Variants in POU6F2 observed in about 807,000 individuals in gnomAD.
POU6F2 encodes the protein POU domain, class 6, transcription factor 2.
In POU6F2, 31 loss-of-function variants were observed where a neutral mutation model predicts 71.3. The observed-to-expected ratio is 0.43, with a 90% CI of 0.33 to 0.59. The LOEUF is 0.59. POU6F2 is among the 20% of genes least tolerant of loss of function. The pLI is 0.04. For missense variants in POU6F2, 783 were observed against 856.8 expected, an observed-to-expected ratio of 0.91 and a Z score of 1.07; for synonymous variants, 347 against 355.7, an observed-to-expected ratio of 0.98 and a Z score of 0.27.
At chr7:39,221,384 CTTTT>C (rs33915153) in intron 4 of POU6F2, among the ~76,000 whole-genome samples, 1 of 86,328 alleles carries the variant, frequency 1.2e-5, no homozygotes, top group African/African-American at 4.8e-5. Context: ...CTCTCTCTCT[CTTTT>C]TTTTTTTTTT....
At chr7:39,457,222 A>C (rs1037582337) in intron 8 of POU6F2, among the ~76,000 whole-genome samples, 1 of 152,222 alleles carries the variant, frequency 6.6e-6, no homozygotes, top group Non-Finnish European at 1.5e-5. Context: ...TGGGCTGCCG[A>C]ATCCTGTGCC....
intron 2 of POU6F2, among the ~76,000 whole-genome samples, chr7:39,186,176 T>A (rs1015660948): frequency 6.6e-6 from 1 of 152,176 alleles, no homozygotes; most frequent in African/African-American, 2.4e-5. Context: ...AAATTTCAGA[T>A]GATGACTATG....
intron 6 of POU6F2, among the ~76,000 whole-genome samples, chr7:39,413,829 T>A (rs752235883): frequency 1.3e-5 from 2 of 152,212 alleles, no homozygotes; most frequent in Non-Finnish European, 2.9e-5. Context: ...TACTAACATA[T>A]CAAATTTCCC....
intron 4 of POU6F2, among the ~76,000 whole-genome samples, chr7:39,232,026 C>T (rs2128750136): frequency 6.6e-6 from 1 of 152,126 alleles, no homozygotes; most frequent in Admixed American, 6.5e-5. Flanking sequence ...TTTCAAGAAA[C>T]AGTTGTAAAA....
At chr7:39,128,009 A>G (rs1792177740) in intron 2 of POU6F2, among the ~76,000 whole-genome samples, 1 of 151,606 alleles carries the variant, frequency 6.6e-6, no homozygotes, top group African/African-American at 2.4e-5. Flanking sequence ...CGCCCGGCTA[A>G]TTTTTTGTGT....
At position 39,339,857 on chromosome 7, in the gene POU6F2, C is replaced by G; in HGVS notation, c.814C>G (p.Gln272Glu). 1 of 1,609,700 alleles carries G rather than the reference C, an allele frequency of 6.2e-7. No individual in the cohort carries two copies. Among genetic ancestry groups the G allele is most frequent in the Non-Finnish European group, 8.5e-7 (1 of 1,177,760 alleles). The change falls in exon 5 of 10, where the codon CAA (glutamine) becomes GAA (glutamate). Residue 272 changes from glutamine (Q) to glutamate (E), a missense_variant. Physicochemically the swap from Gln to Glu is conservative, Grantham distance 29. Coordinates refer to ENST00000518318, the MANE Select transcript of POU6F2 (RefSeq NM_001370959.1). ...QQPPAPTSQL[Q>E]QAPQPQQHQP... is the part of the protein sequence containing the mutation. Reference sequence around the variant, plus strand: ...GCCGCCAGCTCCTACATCTCAGCTGCAACAGGCGCCTCAGCCCCAGCAGCA... The same window carrying G: ...GCCGCCAGCTCCTACATCTCAGCTGGAACAGGCGCCTCAGCCCCAGCAGCA...
intron 5 of POU6F2, among the ~76,000 whole-genome samples, chr7:39,357,228 C>G (rs1012714328): frequency 7.2e-5 from 11 of 152,172 alleles, no homozygotes; most frequent in African/African-American, 2.7e-4. Context: ...TGCTTCAAAC[C>G]CCACTGCAAG....
intron 5 of POU6F2, among the ~76,000 whole-genome samples, chr7:39,371,050 A>G (rs1205249024): frequency 1.3e-5 from 2 of 152,212 alleles, no homozygotes; most frequent in Non-Finnish European, 2.9e-5. Flanking sequence ...CAGAAAGATG[A>G]AAGGAATACA....
chr7:39,371,668 G>A (rs908362440), intron 5 of POU6F2, among the ~76,000 whole-genome samples: 7 of 152,146 alleles, frequency 4.6e-5, no homozygotes, highest in Non-Finnish European at 8.8e-5. Flanking sequence ...TACCACCCAA[G>A]AGGAGTCATG....
intron 4 of POU6F2, among the ~76,000 whole-genome samples, chr7:39,241,791 T>G (rs1176684018): frequency 6.6e-6 from 1 of 152,170 alleles, no homozygotes; most frequent in Non-Finnish European, 1.5e-5. Context: ...CTCTTTTCAG[T>G]ATACAGTTCC....
chr7:39,188,610 G>T (rs942571280), intron 2 of POU6F2, among the ~76,000 whole-genome samples: 4 of 152,196 alleles, frequency 2.6e-5, no homozygotes, highest in African/African-American at 9.7e-5. Context: ...ACCATGCTGG[G>T]CCAGAATCTG....
intron 4 of POU6F2, among the ~76,000 whole-genome samples, chr7:39,332,519 A>G (rs1785676915): frequency 6.6e-6 from 1 of 152,248 alleles, no homozygotes; most frequent in South Asian, 2.1e-4. Flanking sequence ...GTAAGTTCCA[A>G]AATGGGCCTT....
intron 1 of POU6F2, among the ~76,000 whole-genome samples, chr7:39,046,145 C>T (rs182942963): frequency 6.6e-6 from 1 of 151,970 alleles, no homozygotes; most frequent in African/African-American, 2.4e-5. Context: ...TTTATTATAA[C>T]TATTGTAATG....
intron 1 of POU6F2, among the ~76,000 whole-genome samples, chr7:38,988,304 G>C (rs765349824): frequency 3.9e-5 from 6 of 151,922 alleles, no homozygotes; most frequent in Non-Finnish European, 8.8e-5. Flanking sequence ...CAGAAATTCT[G>C]GTTCTATTTA....
intron 4 of POU6F2, among the ~76,000 whole-genome samples, chr7:39,297,057 CAA>C (rs1784859542): frequency 6.6e-6 from 1 of 152,038 alleles, no homozygotes; most frequent in African/African-American, 2.4e-5. Context: ...GCCTATGAGA[CAA>C]AAGAGTTAAA....
At chr7:39,148,766 T>C (rs1792675802) in intron 2 of POU6F2, among the ~76,000 whole-genome samples, 2 of 152,146 alleles carry the variant, frequency 1.3e-5, no homozygotes, top group Admixed American at 1.3e-4. Context: ...ACCTAGCTAG[T>C]GAAACACAGA....
At chr7:39,395,317 A>G (rs1162840033) in intron 5 of POU6F2, among the ~76,000 whole-genome samples, 2 of 152,052 alleles carry the variant, frequency 1.3e-5, no homozygotes, top group African/African-American at 2.4e-5. Context: ...ACAAAATCCT[A>G]TTTCTCAACA....
chr7:39,278,729 G>A (rs116433892), intron 4 of POU6F2, among the ~76,000 whole-genome samples: 114 of 152,200 alleles, frequency 7.5e-4, no homozygotes, highest in African/African-American at 2.6e-3. Context: ...CACTCTTCAC[G>A]CTGGCATACA....
At chr7:38,998,661 T>TA (rs1489089669) in intron 1 of POU6F2, among the ~76,000 whole-genome samples, 1 of 151,692 alleles carries the variant, frequency 6.6e-6, no homozygotes, top group Admixed American at 6.6e-5. Context: ...CACATTTTTT[T>TA]TTTTTTTGAG....
Sources: gnomAD v4.1 joint callset for allele counts (sites outside exome capture counted in the v4.1 genomes callset) on GRCh38, gnomAD v4.1.1 for gene constraint, MANE v1.5 for transcripts, NCBI Gene and HGNC (gene_info 2026-07-23, HGNC 2026-07-21) for gene names.